JAK1: variants seen among roughly 807,000 people sequenced by gnomAD.
JAK1 encodes tyrosine-protein kinase JAK1.
In JAK1, 16 loss-of-function variants were observed where a neutral mutation model predicts 136.6. The ratio of observed to expected loss-of-function variants is 0.12; its 90% CI spans 0.08 to 0.18. The LOEUF is 0.18. JAK1 is among the 10% of genes least tolerant of loss of function. The probability of loss-of-function intolerance (pLI) is 1.00; values close to 1 mark genes in which losing one functional copy is unlikely to be tolerated. For synonymous variants in JAK1, 492 were observed against 519.5 expected, an observed-to-expected ratio of 0.95 and a Z score of 0.72; for missense variants, 859 against 1,450.1, an observed-to-expected ratio of 0.59 and a Z score of 6.62.
intron 1 of JAK1, among the ~76,000 whole-genome samples, chr1:64,921,166 C>T (rs1645488178): frequency 6.6e-6 from 1 of 152,098 alleles, no homozygotes; most frequent in Admixed American, 6.6e-5. Context: ...TTTATCATTT[C>T]ATCTTCTATG....
chr1:64,886,774 ACACACACAC>A (rs1644859584), intron 1 of JAK1, among the ~76,000 whole-genome samples: 1 of 147,160 alleles, frequency 6.8e-6, no homozygotes, highest in African/African-American at 2.6e-5. Context: ...ACACACACAC[ACACACACAC>A]ACACACACAG....
At chr1:64,926,324 T>C (rs895559038) in intron 1 of JAK1, among the ~76,000 whole-genome samples, 4 of 151,712 alleles carry the variant, frequency 2.6e-5, no homozygotes, top group African/African-American at 7.3e-5. Flanking sequence ...CTCCAGTATA[T>C]GTGACTCCTG....
At chr1:64,973,593 T>TAACAATCC (rs1288485715) in intron 2 of JAK1, 1 of 117,156 alleles carries the variant, frequency 8.5e-6, no homozygotes, top group African/African-American at 3.3e-5. Flanking sequence ...GTTCACCTTT[T>TAACAATCC]AACAATCCCT....
rs569388441 is a variant in JAK1, at chr1:65,007,696, C to T, written c.-78+36784G>A. ...CAGGCTAGTCTCGAACTCCTGACCT[C>T]AGGTGATCCGCCCACCTCGGCCTCC... is the stretch of plus-strand genomic sequence containing the variant. On this transcript the variant is annotated intron_variant, in intron 2 of 25. Transcript: ENST00000671954. 9.9e-5 allele frequency among the ~76,000 whole-genome samples: 15 copies of T among 151,780 alleles called. No homozygotes were observed. The South Asian group carries it at 3.1e-3, about 32-fold the overall frequency.
At chr1:64,858,125 C>T (rs1656059707) in intron 9 of JAK1, among the ~76,000 whole-genome samples, 1 of 152,220 alleles carries the variant, frequency 6.6e-6, no homozygotes, top group African/African-American at 2.4e-5. Context: ...TCCCCTCCAC[C>T]CCTAGCCAGC....
Position 64,984,588 on chromosome 1 carries a change from G to T in JAK1, c.-78+59892C>A. On this transcript the variant is annotated intron_variant, in intron 2 of 25. Coordinates refer to the JAK1 transcript ENST00000671954. The surrounding 1 kb of genome is among the most constrained non-coding windows in gnomAD (Gnocchi z 4.1). Reference sequence around the variant, plus strand: ...GGTGGCTTTCCCTTGCTGGGAGGGAGGTTGAAGGAGGCATGATTTAGACAT... The same window carrying T: ...GGTGGCTTTCCCTTGCTGGGAGGGATGTTGAAGGAGGCATGATTTAGACAT... The T allele has an allele frequency of 2.5e-6, 1 of 393,950 alleles. No homozygotes were observed. Among genetic ancestry groups the T allele is most frequent in the South Asian group, 3.1e-5 (1 of 32,182 alleles). 24.4% of individuals were successfully genotyped at this position (393,950 alleles called of 1,614,324 possible).
chr1:64,975,432 C>T (rs972086808), intron 2 of JAK1, among the ~76,000 whole-genome samples: 1 of 152,198 alleles, frequency 6.6e-6, no homozygotes, highest in Non-Finnish European at 1.5e-5. Flanking sequence ...ACATTTCACA[C>T]ACTGGACTGC....
intron 1 of JAK1, among the ~76,000 whole-genome samples, chr1:64,922,900 T>C (rs910018289): frequency 3.3e-5 from 5 of 152,160 alleles, no homozygotes; most frequent in Non-Finnish European, 7.3e-5. Flanking sequence ...AAGCCTTACA[T>C]TTCTGCATCT....
intron 1 of JAK1, among the ~76,000 whole-genome samples, chr1:64,937,011 C>T (rs2100490187): frequency 7.1e-6 from 1 of 141,304 alleles, no homozygotes; most frequent in South Asian, 2.3e-4. Context: ...AGGCCTTTTA[C>T]AGAAAATATT....
At chr1:64,913,242 G>A (rs1255215907) in intron 1 of JAK1, among the ~76,000 whole-genome samples, 1 of 152,048 alleles carries the variant, frequency 6.6e-6, no homozygotes, top group African/African-American at 2.4e-5. Flanking sequence ...CCAGGCTGGG[G>A]TGTCCATATA....
chr1:64,863,161 T>A (rs903876889), intron 8 of JAK1, among the ~76,000 whole-genome samples: 1 of 145,978 alleles, frequency 6.9e-6, no homozygotes, highest in African/African-American at 2.6e-5. Flanking sequence ...GGGCCTAATA[T>A]CCAGGATGCA....
intron 2 of JAK1, among the ~76,000 whole-genome samples, chr1:64,996,748 A>G (rs1359901439): frequency 6.6e-6 from 1 of 152,210 alleles, no homozygotes; most frequent in Non-Finnish European, 1.5e-5. Context: ...ATTCACATAA[A>G]AATCAGGCTA....
At chr1:64,852,506 G>A (rs1007542112) in intron 11 of JAK1, among the ~76,000 whole-genome samples, 3 of 152,194 alleles carry the variant, frequency 2.0e-5, no homozygotes, top group Non-Finnish European at 4.4e-5. Flanking sequence ...ATCCGATTCA[G>A]AGGCAACTCA....
intron 2 of JAK1, among the ~76,000 whole-genome samples, chr1:65,034,176 G>C (rs575324958): frequency 2.0e-5 from 3 of 152,294 alleles, no homozygotes; most frequent in African/African-American, 7.2e-5. Flanking sequence ...TGAATATAAC[G>C]TATTTGATAA....
At chr1:65,066,159 T>C (rs1171000301) in intron 1 of JAK1, among the ~76,000 whole-genome samples, 1 of 152,070 alleles carries the variant, frequency 6.6e-6, no homozygotes, top group Non-Finnish European at 1.5e-5. Flanking sequence ...GTGTGGTCTT[T>C]CTCCAGGAAG....
chr1:65,006,397 G>C (rs1043399591), intron 2 of JAK1, among the ~76,000 whole-genome samples: 3 of 151,876 alleles, frequency 2.0e-5, no homozygotes, highest in African/African-American at 7.3e-5. Context: ...TTACTCTTTT[G>C]CCCAGGCTGG....
At position 64,838,576 on chromosome 1, in the gene JAK1, A is replaced by G. The variant is rs1421370150; in HGVS notation, c.2856T>C (p.Ile952=). 3 of 1,613,884 alleles carry G rather than the reference A, an allele frequency of 1.9e-6. No individual in the cohort carries two copies. The highest frequency in any genetic ancestry group is 1.3e-5 in the African/African-American group (1 of 75,050). ...GICTEDGGNG[I]KLIMEFLPSG... ...AAGGCAGAAATTCCATGATGAGCTT[A>G]ATACCATTTCCTCCTGTTTAGAAAA... Residue 952 remains isoleucine (I), a synonymous_variant, in exon 21 of 25, where the codon ATT becomes ATC. Transcript: ENST00000342505.
Position 64,867,067 on chromosome 1 carries a change from C to T in JAK1, c.789G>A (p.Thr263=), listed in dbSNP as rs1030379754. Reference sequence around the variant, plus strand: ...CCAAGTATTTCACCTTCAGGTCATGCGTGGACACGCTGCTGTCACAAATGG... The same window carrying T: ...CCAAGTATTTCACCTTCAGGTCATGTGTGGACACGCTGCTGTCACAAATGG... ...NKTICDSSVS[T]HDLKVKYLAT... is the part of the protein sequence containing the mutation. Residue 263 remains threonine (T), a synonymous_variant, in exon 7 of 25, where the codon ACG becomes ACA. Transcript: ENST00000342505. The T allele has an allele frequency of 8.7e-6, 14 of 1,614,202 alleles. No individual in the cohort carries two copies. In the South Asian group the frequency reaches 1.3e-4, roughly 15 times the overall value.
At chr1:64,835,356 A>G (rs1654412646) in intron 24 of JAK1, 40 bp downstream of exon 24, 2 of 1,089,110 alleles carry the variant, frequency 1.8e-6, no homozygotes, top group Non-Finnish European at 1.4e-6. Flanking sequence ...AAAACATAAT[A>G]GAAATGGAGT....
Sources: allele counts gnomAD v4.1 joint callset (sites outside exome capture counted in the v4.1 genomes callset), GRCh38; gene constraint gnomAD v4.1.1; non-coding constraint Gnocchi (gnomAD v3.1); transcripts MANE v1.5; gene names NCBI Gene and HGNC (gene_info 2026-07-23, HGNC 2026-07-21).